The following SLC12A1 variants were observed in gnomAD, a reference collection of about 807,000 sequenced individuals.
SLC12A1 encodes Na-K-2Cl cotransporter.
In SLC12A1, 89 loss-of-function variants were observed where a neutral mutation model predicts 130.4. The ratio of observed to expected loss-of-function variants is 0.68; its 90% CI spans 0.58 to 0.81. The LOEUF is 0.81. SLC12A1 is among the 40% of genes least tolerant of loss of function. SLC12A1 has a pLI of 0.00. For synonymous variants in SLC12A1, 499 were observed against 460.0 expected, an observed-to-expected ratio of 1.08 and a Z score of -1.09; for missense variants, 1,310 against 1,336.4, an observed-to-expected ratio of 0.98 and a Z score of 0.31.
Position 48,208,094 on chromosome 15 carries a change from G to A in SLC12A1, c.375G>A (p.Lys125=), listed in dbSNP as rs2041004026. The change falls in exon 2 of 27, where the codon AAG becomes AAA. Residue 125 remains lysine (K), a synonymous_variant. Coordinates refer to ENST00000380993, the MANE Select transcript of SLC12A1 (RefSeq NM_000338.3). The part of the protein sequence containing the change: ...YRNTGSISGP[K]VNRPSLLEIH... ...ACACCGGCAGCATCAGTGGGCCCAA[G>A]GTCAACCGACCCAGCCTGCTTGAGA... 3 of 1,609,760 alleles carry A rather than the reference G, an allele frequency of 1.9e-6. No homozygotes were observed. In the African/African-American group the frequency reaches 4.0e-5, roughly 22 times the overall value.
chr15:48,280,946 T>C (rs145852889), intron 20 of SLC12A1, among the ~76,000 whole-genome samples: 1 of 152,330 alleles, frequency 6.6e-6, no homozygotes, highest in East Asian at 1.9e-4. Context: ...TTGAACTGAA[T>C]TGAACAGCAT....
intron 2 of SLC12A1, among the ~76,000 whole-genome samples, chr15:48,215,086 G>A (rs1381656535): frequency 1.3e-5 from 2 of 151,532 alleles, no homozygotes; most frequent in East Asian, 1.9e-4. Context: ...TAGACATAAA[G>A]ATGTAAGTAA....
chr15:48,291,782 G>T lies in SLC12A1; in HGVS notation c.2878G>T (p.Ala960Ser), dbSNP rs891833290. The T allele has an allele frequency of 6.4e-6, 10 of 1,550,560 alleles. No homozygotes were observed. In the African/African-American group the frequency reaches 1.4e-4, roughly 21 times the overall value. The change falls in exon 24 of 27, where the codon GCT (alanine) becomes TCT (serine). Residue 960 changes from alanine to serine, a missense_variant. Ala to Ser is a moderately conservative substitution (Grantham distance 99). Transcript: ENST00000380993. ...ATTTTCCTTTTATATTTTCAGAATG[G>T]CTTCCCTTCTGAGCAAATTTAGGAT... ...NRIEEEKIVM[A>S]SLLSKFRIKF...
intron 16 of SLC12A1, 50 bp from the exon 17 acceptor site, chr15:48,259,150 T>TTACA: frequency 8.4e-7 from 1 of 1,197,548 alleles, no homozygotes; most frequent in Middle Eastern, 2.1e-4. Context: ...GGTTCTAAGG[T>TTACA]TACAGGCTTC....
intron 19 of SLC12A1, among the ~76,000 whole-genome samples, chr15:48,272,915 C>A (rs989588667): frequency 6.6e-6 from 1 of 151,858 alleles, no homozygotes; most frequent in Non-Finnish European, 1.5e-5. Context: ...TGAGACGAAC[C>A]TGGTCAAGAT....
chr15:48,207,053 T>C (rs1482995486), intron 1 of SLC12A1, among the ~76,000 whole-genome samples: 1 of 152,184 alleles, frequency 6.6e-6, no homozygotes, highest in Non-Finnish European at 1.5e-5. Context: ...AAGTTGAACA[T>C]GTACAGATTT....
At chr15:48,257,228 G>A (rs1036504011) in intron 16 of SLC12A1, among the ~76,000 whole-genome samples, 6 of 152,116 alleles carry the variant, frequency 3.9e-5, no homozygotes, top group African/African-American at 7.2e-5. Context: ...CTGTGGCTTT[G>A]CAGGGTACAG....
intron 24 of SLC12A1, among the ~76,000 whole-genome samples, chr15:48,292,870 TG>T (rs2042135671): frequency 6.6e-6 from 1 of 151,926 alleles, no homozygotes; most frequent in Non-Finnish European, 1.5e-5. Context: ...TGAATTTGGG[TG>T]GGGGGACACA....
chr15:48,252,615 TG>T (rs1274039784), intron 15 of SLC12A1, among the ~76,000 whole-genome samples: 1 of 152,180 alleles, frequency 6.6e-6, no homozygotes, highest in African/African-American at 2.4e-5. Context: ...GAAAACTTTT[TG>T]GTTCCTAACT....
Position 48,259,184 on chromosome 15 carries a change from T to TA in SLC12A1, c.2043-16_2043-15insA. On this transcript the variant is annotated splice_polypyrimidine_tract_variant and intron_variant, in intron 16 of 26. Transcript: ENST00000380993. ...TCTTGCAGGGGCTCATTTTCACATC[T>TA]TTTTTTTACTTCCAGGCCCCAGTGC... The TA allele has an allele frequency of 6.7e-7, 1 of 1,499,796 alleles. No individual in the cohort carries two copies. The allele number at this position is 1,499,796 out of a possible 1,614,324, so 92.9% of individuals were successfully genotyped here. A position where few individuals can be genotyped will look rare whatever the true frequency, so the allele number is the denominator to read the frequency against.
chr15:48,249,901 C>T (rs1051388322), intron 14 of SLC12A1, among the ~76,000 whole-genome samples: 5 of 152,142 alleles, frequency 3.3e-5, no homozygotes, highest in Admixed American at 1.3e-4. Context: ...TCAATTTTCT[C>T]CTGTGGCAAT....
At chr15:48,288,660 C>T in intron 23 of SLC12A1, 144 bp downstream of exon 23, 2 of 567,676 alleles carry the variant, frequency 3.5e-6, no homozygotes, top group Non-Finnish European at 6.3e-6. Context: ...ACTTGGTTAT[C>T]TGGTCAGTAA....
At position 48,291,779 on chromosome 15, in the gene SLC12A1, A is replaced by G; in HGVS notation, c.2875A>G (p.Met959Val). 1 of 1,547,074 alleles carries G rather than the reference A, an allele frequency of 6.5e-7. No homozygotes were observed. The highest frequency in any genetic ancestry group is 8.8e-7 in the Non-Finnish European group (1 of 1,139,956). ...INRIEEEKIV[M>V]ASLLSKFRIK... is the part of the protein sequence containing the mutation. ...AGTATTTTCCTTTTATATTTTCAGAATGGCTTCCCTTCTGAGCAAATTTAG... is the reference window on the plus strand; with the variant it reads ...AGTATTTTCCTTTTATATTTTCAGAGTGGCTTCCCTTCTGAGCAAATTTAG... Residue 959 changes from methionine (M) to valine (V), a missense_variant and splice_region_variant, in exon 24 of 27, where the codon ATG (methionine) becomes GTG (valine). Transcript: ENST00000380993.
At position 48,207,942 on chromosome 15, in the gene SLC12A1, C is replaced by T. The variant is rs1048935147; in HGVS notation, c.223C>T (p.Gln75Ter). The T allele has an allele frequency of 4.3e-6, 7 of 1,613,996 alleles. No individual in the cohort carries two copies. The Admixed American group carries it at 5.0e-5, about 12-fold the overall frequency. ...TCAGGAGTGCTATGACAATTTCCTC[C>T]AAAGTGGAGAAACTGCTAAAACAGA... Reference protein sequence around the residue: ...GNQECYDNFLQSGETAKTDAS... With the variant: ...GNQECYDNFL Residue 75 changes from glutamine to a stop codon, truncating the protein, a stop_gained, in exon 2 of 27, where the codon CAA becomes TAA. Transcript: ENST00000380993. LOFTEE classifies it high-confidence loss of function.
chr15:48,254,624 A>AC (rs1566842832), intron 15 of SLC12A1, among the ~76,000 whole-genome samples: 1 of 143,690 alleles, frequency 7.0e-6, no homozygotes, highest in East Asian at 2.1e-4. Context: ...AAAAAAAAAA[A>AC]AAAAAACCCA....
chr15:48,287,351 A>T (rs1480093693), intron 21 of SLC12A1, among the ~76,000 whole-genome samples: 3 of 147,420 alleles, frequency 2.0e-5, no homozygotes, highest in Non-Finnish European at 4.4e-5. Flanking sequence ...TTGTATTTCC[A>T]TATTTTCTAA....
At chr15:48,231,714 G>C (rs2071720538) in intron 7 of SLC12A1, among the ~76,000 whole-genome samples, 1 of 152,188 alleles carries the variant, frequency 6.6e-6, no homozygotes, top group African/African-American at 2.4e-5. Flanking sequence ...TCAGTGAACA[G>C]ATAGCTGTTA....
intron 17 of SLC12A1, among the ~76,000 whole-genome samples, chr15:48,266,334 C>T (rs10163162): frequency 2.6e-5 from 4 of 151,834 alleles, no homozygotes; most frequent in Non-Finnish European, 4.4e-5. Flanking sequence ...CAACCTTGCA[C>T]GAGCAAGAGT....
At chr15:48,301,467 C>A in intron 26 of SLC12A1, 85 bp downstream of exon 26, 1 of 798,796 alleles carries the variant, frequency 1.3e-6, no homozygotes, top group Non-Finnish European at 1.8e-6. Flanking sequence ...TGGGACTCTT[C>A]AGGTGGGAAT....
Sources: allele counts gnomAD v4.1 joint callset (sites outside exome capture counted in the v4.1 genomes callset), GRCh38; gene constraint gnomAD v4.1.1; transcripts MANE v1.5; gene names NCBI Gene and HGNC (gene_info 2026-07-23, HGNC 2026-07-21).